EYS: variants seen among roughly 807,000 people sequenced by gnomAD.
The protein encoded by EYS is protein eyes shut homolog.
A neutral mutation model predicts 282.1 loss-of-function variants in EYS; 250 were observed. The ratio of observed to expected loss-of-function variants is 0.89; its 90% confidence interval spans 0.80 to 0.98. EYS has a LOEUF of 0.98. EYS is among the 50% of genes least tolerant of loss of function. EYS has a pLI of 0.00. For synonymous variants in EYS, 1,355 were observed against 1,282.9 expected (o/e 1.06, Z -1.20); for missense variants, 4,016 against 3,709.0 (o/e 1.08, Z -2.15).
At position 64,347,800 on chromosome 6, in the gene EYS, G is replaced by A. The variant is rs576247809; in HGVS notation, c.6079-40718C>T. Among the ~76,000 whole-genome samples, 6 of 151,180 alleles carry A rather than the reference G, an allele frequency of 4.0e-5. No homozygotes were observed. The East Asian group carries it at 1.2e-3, about 30-fold the overall frequency. ...TTATCTACCCCTTTCCTAATACCTG[G>A]AAACTCACTCAACTGTGTCGTGCTA... On this transcript the variant is annotated intron_variant, in intron 29 of 42. Coordinates refer to ENST00000503581, the MANE Select transcript of EYS (RefSeq NM_001142800.2).
At chr6:63,739,209 C>G (rs1340134370) in intron 41 of EYS, among the ~76,000 whole-genome samples, 1 of 152,074 alleles carries the variant, frequency 6.6e-6, no homozygotes, top group Non-Finnish European at 1.5e-5. Context: ...CCTGTGTCCT[C>G]CTGTCTCAGG....
intron 40 of EYS, among the ~76,000 whole-genome samples, chr6:63,776,458 T>C (rs1770067375): frequency 6.6e-6 from 1 of 152,186 alleles, no homozygotes; most frequent in Non-Finnish European, 1.5e-5. Flanking sequence ...TCACAGTCTC[T>C]GGGGCTTATT....
intron 12 of EYS, among the ~76,000 whole-genome samples, chr6:65,141,309 A>G (rs1348444100): frequency 6.6e-6 from 1 of 152,034 alleles, no homozygotes; most frequent in African/African-American, 2.4e-5. Flanking sequence ...ACATGGACAC[A>G]GGAAGGGGAA....
chr6:65,262,494 T>G (rs1188666502), intron 12 of EYS, among the ~76,000 whole-genome samples: 1 of 152,078 alleles, frequency 6.6e-6, no homozygotes, highest in East Asian at 1.9e-4. Flanking sequence ...CTAGAATGCA[T>G]GAGATGTAAT....
intron 26 of EYS, among the ~76,000 whole-genome samples, chr6:64,582,795 T>C (rs373361735): frequency 6.6e-6 from 1 of 152,104 alleles, no homozygotes; most frequent in African/African-American, 2.4e-5. Context: ...GAAATGCAAA[T>C]AATGAATGAT....
At chr6:64,080,593 G>C (rs1013254141) in intron 32 of EYS, among the ~76,000 whole-genome samples, 6 of 152,138 alleles carry the variant, frequency 3.9e-5, no homozygotes, top group Non-Finnish European at 8.8e-5. Flanking sequence ...GGCTTTTGTT[G>C]CCATTGCTTC....
chr6:64,451,052 A>G (rs984829121), intron 26 of EYS, among the ~76,000 whole-genome samples: 1 of 152,228 alleles, frequency 6.6e-6, no homozygotes, highest in Non-Finnish European at 1.5e-5. Context: ...CCTTCAAAAA[A>G]GCAGTGAATC....
intron 12 of EYS, among the ~76,000 whole-genome samples, chr6:65,146,378 T>C (rs1764478184): frequency 6.6e-6 from 1 of 151,914 alleles, no homozygotes; most frequent in South Asian, 2.1e-4. Flanking sequence ...CTAATAGTTC[T>C]TAGGGCATTT....
chr6:65,402,386 A>T, intron 7 of EYS, 92 bp downstream of exon 7: 1 of 918,762 alleles, frequency 1.1e-6, no homozygotes, highest in Non-Finnish European at 1.7e-6. Context: ...AGTAAAAGTT[A>T]GGGTTAAAAC....
At chr6:65,245,474 A>G (rs552274411) in intron 12 of EYS, among the ~76,000 whole-genome samples, 5 of 152,272 alleles carry the variant, frequency 3.3e-5, no homozygotes, top group African/African-American at 1.2e-4. Context: ...CCATACATGT[A>G]ATTGTATAAC....
At chr6:64,296,942 G>A (rs1295924303) in intron 30 of EYS, among the ~76,000 whole-genome samples, 1 of 152,112 alleles carries the variant, frequency 6.6e-6, no homozygotes, top group Non-Finnish European at 1.5e-5. Flanking sequence ...AAATAGTGAA[G>A]TCTATTGAAG....
intron 22 of EYS, among the ~76,000 whole-genome samples, chr6:64,751,122 C>T (rs1456513877): frequency 1.3e-5 from 2 of 152,148 alleles, no homozygotes; most frequent in Non-Finnish European, 2.9e-5. Flanking sequence ...GGATTAGGAG[C>T]TTGAGTTGCC....
At chr6:63,732,055 T>C (rs998007177) in intron 41 of EYS, among the ~76,000 whole-genome samples, 1 of 151,994 alleles carries the variant, frequency 6.6e-6, no homozygotes, top group Non-Finnish European at 1.5e-5. Flanking sequence ...GCTCGAATTG[T>C]ATTTCAAGAG....
At chr6:64,508,422 G>A (rs1777279085) in intron 26 of EYS, among the ~76,000 whole-genome samples, 1 of 151,874 alleles carries the variant, frequency 6.6e-6, no homozygotes, top group Non-Finnish European at 1.5e-5. Context: ...TTTGTATTCT[G>A]GGTCTGTTTC....
intron 31 of EYS, among the ~76,000 whole-genome samples, chr6:64,141,051 A>G (rs140127135): frequency 6.6e-6 from 1 of 152,274 alleles, no homozygotes; most frequent in Non-Finnish European, 1.5e-5. Context: ...GATGCATTTC[A>G]TTGGATTATT....
At chr6:65,687,776 T>C (rs1769084433) in intron 1 of EYS, among the ~76,000 whole-genome samples, 1 of 152,140 alleles carries the variant, frequency 6.6e-6, no homozygotes, top group Non-Finnish European at 1.5e-5. Context: ...CAAGCATTCT[T>C]ATACACCAAT....
intron 8 of EYS, among the ~76,000 whole-genome samples, chr6:65,359,044 A>C (rs9283819): frequency 0.67 from 102,330 of 151,840 alleles, 34,572 homozygotes; most frequent in South Asian, 0.71. Flanking sequence ...AACTAATTAA[A>C]TGGTACATAT....
intron 5 of EYS, among the ~76,000 whole-genome samples, chr6:65,443,225 T>A (rs938525994): frequency 6.6e-6 from 1 of 151,732 alleles, no homozygotes; most frequent in Non-Finnish European, 1.5e-5. Flanking sequence ...CATATACACA[T>A]GTATGTGAAC....
At chr6:65,214,164 A>G (rs1311062115) in intron 12 of EYS, among the ~76,000 whole-genome samples, 1 of 146,864 alleles carries the variant, frequency 6.8e-6, no homozygotes, top group Non-Finnish European at 1.5e-5. Context: ...GTCTCAAAAA[A>G]AAAAAAAAAA....
Sources: allele counts gnomAD v4.1 joint callset (sites outside exome capture counted in the v4.1 genomes callset), GRCh38; gene constraint gnomAD v4.1.1; transcripts MANE v1.5; gene names NCBI Gene and HGNC (gene_info 2026-07-23, HGNC 2026-07-21).